Variants in APOL4 observed in about 807,000 individuals in gnomAD.
The protein encoded by APOL4 is apolipoprotein L4, also known as apolipoprotein L, 4.
APOL4 carries 14 observed loss-of-function variants against 12.1 expected under a neutral mutation model. The observed-to-expected ratio is 1.16, with a 90% CI of 0.76 to 1.81. The LOEUF (loss-of-function observed/expected upper bound fraction) is 1.81. APOL4 is among the 40% of genes most tolerant of loss of function. APOL4 has a pLI of 0.00. For synonymous variants in APOL4, 171 were observed against 160.6 expected (o/e 1.06, Z -0.49); for missense variants, 432 against 423.1 (o/e 1.02, Z -0.18).
chr22:36,198,129 CT>C (rs948195586), intron 2 of APOL4, among the ~76,000 whole-genome samples: 3 of 152,346 alleles, frequency 2.0e-5, no homozygotes, highest in African/African-American at 7.2e-5. Context: ...ACTCCCACCC[CT>C]GAGCCTGCGC....
At chr22:36,202,260 C>T (rs117372986), upstream of APOL4, among the ~76,000 whole-genome samples, 1 of 152,122 alleles carries the variant, frequency 6.6e-6, no homozygotes, top group African/African-American at 2.4e-5. Context: ...GTGCACGCTA[C>T]CATGCTGGGC....
At chr22:36,192,793 C>T (rs1277144212) in intron 3 of APOL4, among the ~76,000 whole-genome samples, 1 of 152,144 alleles carries the variant, frequency 6.6e-6, no homozygotes, top group Non-Finnish European at 1.5e-5. Flanking sequence ...GTCTCATCTG[C>T]CTTCCAGAGG....
intron 2 of APOL4, chr22:36,197,703 G>A (rs1358065733): frequency 1.9e-6 from 3 of 1,550,550 alleles, no homozygotes; most frequent in Admixed American, 2.0e-5. Flanking sequence ...AGAGGGCCAT[G>A]CTGAGATGTG....
upstream of APOL4, chr22:36,204,690 A>G (rs5995250): frequency 0.31 from 175,770 of 572,802 alleles, 27,164 homozygotes; most frequent in African/African-American, 0.41. Flanking sequence ...TGTGGATCTC[A>G]CCTCCAGCTG....
chr22:36,204,608 T>A, upstream of APOL4: 3 of 494,572 alleles, frequency 6.1e-6, no homozygotes, highest in South Asian at 3.4e-5. Flanking sequence ...TGGAGGGAGG[T>A]CACACCATCC....
At chr22:36,200,133 G>A (rs1028743456) in intron 1 of APOL4, among the ~76,000 whole-genome samples, 2 of 152,156 alleles carry the variant, frequency 1.3e-5, no homozygotes, top group African/African-American at 4.8e-5. Context: ...TCTGACATGT[G>A]TCTCATTCAA....
At chr22:36,199,207 C>T (rs1052935441) in intron 2 of APOL4, 123 bp downstream of exon 2, 10 of 1,366,168 alleles carry the variant, frequency 7.3e-6, no homozygotes, top group South Asian at 6.1e-5. Context: ...CAGCCACCTC[C>T]GTCTGGGTTC....
At position 36,199,877 on chromosome 22, in the gene APOL4, G is replaced by A. The variant is rs764774677; in HGVS notation, c.36-501C>T. The stretch of plus-strand genomic sequence containing the variant: ...AGGTGGAGTGCAGTGGCGCGATCTC[G>A]GCTCACTGCAAGCGCCGCCTCCCAG... On this transcript the variant is annotated intron_variant, in intron 1 of 3. Transcript: ENST00000683024. Among the ~76,000 whole-genome samples the A allele has an allele frequency of 8.8e-4, 133 of 151,942 alleles. 2 individuals carry two copies. Among genetic ancestry groups the A allele is most frequent in the Non-Finnish European group, 5.4e-4 (37 of 67,988 alleles).
chr22:36,193,078 T>C (rs796586806), intron 3 of APOL4, among the ~76,000 whole-genome samples: 7 of 152,316 alleles, frequency 4.6e-5, no homozygotes, highest in African/African-American at 1.4e-4. Flanking sequence ...CCCCCCAGCT[T>C]GCTGTCTGAG....
chr22:36,199,564 G>A, intron 1 of APOL4, 188 bp from the exon 2 acceptor site: 1 of 1,568,760 alleles, frequency 6.4e-7, no homozygotes, highest in Non-Finnish European at 8.6e-7. Flanking sequence ...ACTCATTCCA[G>A]CTCCCTCTTC....
chr22:36,202,048 G>C (rs545860890), upstream of APOL4: 7 of 1,613,912 alleles, frequency 4.3e-6, no homozygotes, highest in African/African-American at 2.7e-5. Context: ...TCGCTGCGGG[G>C]CCTCCTCCTT....
In APOL4 at chr22:36,191,199, T is replaced by A. The variant is rs1028681952; in HGVS notation, c.923A>T (p.Asp308Val). The A allele has an allele frequency of 5.0e-6, 8 of 1,613,814 alleles. No homozygotes were observed. In the East Asian group the frequency reaches 6.7e-5, roughly 13 times the overall value. The stretch of plus-strand genomic sequence containing the variant: ...TGCCCCCTTGTGCAAGTCCAGTGAG[T>A]CTTGCACAAGGTTGACTACATCCAG... ...VVLDVVNLVQ[D>V]SLDLHKGAKS... Residue 308 changes from aspartate to valine, a missense_variant, in exon 4 of 4, where the codon GAC (aspartate) becomes GTC (valine). Transcript: ENST00000683024.
intron 1 of APOL4, among the ~76,000 whole-genome samples, chr22:36,201,046 T>C (rs2014556510): frequency 1.3e-5 from 2 of 152,066 alleles, no homozygotes; most frequent in Non-Finnish European, 2.9e-5. Flanking sequence ...ACAAAGTTGC[T>C]AATGGAAGAC....
rs138747794 is a variant in APOL4 at position 36,199,757 on chromosome 22, G to A, written c.36-381C>T. 2.2e-3 allele frequency: 2,149 copies of A among 994,004 alleles called. 31 individuals carry two copies. In the African/African-American group the frequency reaches 0.031, roughly 14 times the overall value. 61.6% of individuals were successfully genotyped at this position (994,004 alleles called of 1,614,324 possible). A position where few individuals can be genotyped will look rare whatever the true frequency, so the allele number is the denominator to read the frequency against. On this transcript the variant is annotated intron_variant, in intron 1 of 3. Coordinates refer to ENST00000683024, the MANE Select transcript of APOL4 (RefSeq NM_001386885.1). ...TGTGACAACTAATTGATGATAGCCAGTCTGTATTGAGTGTCTGTGATGTGC... is the reference window on the plus strand; with the variant it reads ...TGTGACAACTAATTGATGATAGCCAATCTGTATTGAGTGTCTGTGATGTGC...
At chr22:36,198,915 G>C (rs573101376) in intron 2 of APOL4, among the ~76,000 whole-genome samples, 2 of 152,134 alleles carry the variant, frequency 1.3e-5, no homozygotes, top group Non-Finnish European at 2.9e-5. Flanking sequence ...AACACCCCAG[G>C]GTCAGCCAGG....
At chr22:36,192,135 T>C (rs915392529) in intron 3 of APOL4, among the ~76,000 whole-genome samples, 14 of 152,090 alleles carry the variant, frequency 9.2e-5, no homozygotes, top group African/African-American at 3.1e-4. Flanking sequence ...GGTCAGGAGA[T>C]CGAGACCATC....
Position 36,201,794 on chromosome 22 carries a change from A to C in APOL4, c.-60T>G. 1 of 1,581,456 alleles carries C rather than the reference A, an allele frequency of 6.3e-7. No individual in the cohort carries two copies. Among genetic ancestry groups the C allele is most frequent in the Non-Finnish European group, 8.6e-7 (1 of 1,163,274 alleles). On this transcript the variant is annotated 5_prime_UTR_variant, in exon 1 of 4. Coordinates refer to ENST00000683024, the MANE Select transcript of APOL4 (RefSeq NM_001386885.1). Reference sequence around the variant, plus strand: ...GATCTGGGGCCTCTGCTGAATGTTGAGGCTGGATACTGACTGTTAGCCTCA... The same window carrying C: ...GATCTGGGGCCTCTGCTGAATGTTGCGGCTGGATACTGACTGTTAGCCTCA...
intron 3 of APOL4, 161 bp downstream of exon 3, chr22:36,195,150 G>T: frequency 1.1e-6 from 1 of 911,218 alleles, no homozygotes; most frequent in Non-Finnish European, 1.6e-6. Context: ...TGCCAGCGAA[G>T]CACTTGGAGG....
chr22:36,198,221 G>T (rs1438867703), intron 2 of APOL4, among the ~76,000 whole-genome samples: 1 of 152,180 alleles, frequency 6.6e-6, no homozygotes, highest in African/African-American at 2.4e-5. Flanking sequence ...CCTGGACAAG[G>T]CTAAGGTCCG....
Sources: gnomAD v4.1 joint callset for allele counts (sites outside exome capture counted in the v4.1 genomes callset) on GRCh38, gnomAD v4.1.1 for gene constraint, MANE v1.5 for transcripts, NCBI Gene and HGNC (gene_info 2026-07-23, HGNC 2026-07-21) for gene names.